COL14A1: variants seen among roughly 807,000 people sequenced by gnomAD.
COL14A1 encodes the protein collagen alpha-1(XIV) chain.
Under a neutral mutation model 230.3 loss-of-function variants are expected in COL14A1, and 136 were observed. That is an observed-to-expected ratio of 0.59 (90% confidence interval 0.51 to 0.68). The LOEUF (loss-of-function observed/expected upper bound fraction) is 0.68, where lower values mean the gene tolerates loss of function less well. Among genes scored for constraint, COL14A1 ranks in the 30% least tolerant of loss-of-function variants. The pLI, the probability that COL14A1 is intolerant of heterozygous loss-of-function variation, is 0.00. For synonymous variants in COL14A1, 792 were observed against 784.1 expected (o/e 1.01, Z -0.17); for missense variants, 1,976 against 2,215.8 (o/e 0.89, Z 2.17).
intron 45 of COL14A1, among the ~76,000 whole-genome samples, chr8:120,353,989 C>G (rs1394643061): frequency 1.5e-5 from 2 of 132,618 alleles, no homozygotes; most frequent in East Asian, 2.2e-4. Context: ...TTGGAACCAA[C>G]CCAAATGTCC....
intron 19 of COL14A1, among the ~76,000 whole-genome samples, chr8:120,236,505 T>C (rs1040351064): frequency 2.0e-5 from 3 of 152,174 alleles, no homozygotes; most frequent in Non-Finnish European, 2.9e-5. Context: ...TTTGAGTCTA[T>C]GTGTGTCTTT....
At chr8:120,224,091 A>G (rs1407100530) in intron 14 of COL14A1, among the ~76,000 whole-genome samples, 3 of 129,732 alleles carry the variant, frequency 2.3e-5, no homozygotes, top group Non-Finnish European at 4.6e-5. Context: ...CAGTGGCATG[A>G]TCTCAGCTCA....
chr8:120,228,111 C>T (rs1210993560), intron 17 of COL14A1, among the ~76,000 whole-genome samples: 1 of 152,098 alleles, frequency 6.6e-6, no homozygotes, highest in Non-Finnish European at 1.5e-5. Context: ...TCCCCAGTCG[C>T]TGGAGGTGAG....
intron 25 of COL14A1, 188 bp downstream of exon 25, chr8:120,267,071 C>A: frequency 1.8e-6 from 1 of 555,130 alleles, no homozygotes; most frequent in Non-Finnish European, 3.2e-6. Context: ...ATTCTGCACA[C>A]AAAGAGTGGA....
Position 120,228,753 on chromosome 8 carries a change from C to G in COL14A1, c.2181C>G (p.Thr727=), listed in dbSNP as rs1209883508. 3 of 1,613,658 alleles carry G rather than the reference C, an allele frequency of 1.9e-6. No homozygotes were observed. The Admixed American group carries it at 5.0e-5, about 27-fold the overall frequency. Residue 727 remains threonine, a synonymous_variant, in exon 18 of 48, where the codon ACC becomes ACG. Transcript: ENST00000297848. ...WTEPATTIVP[T]TSVTSVFQTG... ...AACCAGCTACAACCATAGTGCCTAC[C>G]ACATCTGTGACTTCAGGTAAGGTCA...
intron 44 of COL14A1, 127 bp from the exon 45 acceptor site, chr8:120,345,248 G>A: frequency 1.3e-6 from 1 of 764,830 alleles, no homozygotes; most frequent in Non-Finnish European, 2.1e-6. Flanking sequence ...ATATTTCAAA[G>A]GGGTGTGATT....
chr8:120,314,009 G>A lies in COL14A1; in HGVS notation c.4533G>A (p.Leu1511=). 6.2e-7 allele frequency: 1 copy of A among 1,610,882 alleles called. No individual in the cohort carries two copies. The highest frequency in any genetic ancestry group is 8.5e-7 in the Non-Finnish European group (1 of 1,178,570). Residue 1511 remains leucine (L), a synonymous_variant, in exon 38 of 48, where the codon CTG becomes CTA. Coordinates refer to ENST00000297848, the MANE Select transcript of COL14A1 (RefSeq NM_021110.4). ...CTGGACCTCAAGGACCAAGTGGTCT[G>A]TCCATTCAAGGAATGCCCGTGAGTT... ...GPPGPQGPSG[L]SIQGMPGMPG...
intron 25 of COL14A1, 48 bp from the exon 26 acceptor site, chr8:120,269,987 C>A (rs1358410399): frequency 6.2e-7 from 1 of 1,602,954 alleles, no homozygotes; most frequent in Non-Finnish European, 8.5e-7. Context: ...TTAATAACTA[C>A]TAACTTTTCC....
chr8:120,342,456 T>C lies in COL14A1; in HGVS notation c.4888+10T>C, dbSNP rs1352088967. ...GAACAGCTCATCCAGAGTAAGTATG[T>C]AATGGTTACGGAGGATGTTCCCCAT... On this transcript the variant is annotated intron_variant, in intron 44 of 47. Coordinates refer to ENST00000297848, the MANE Select transcript of COL14A1 (RefSeq NM_021110.4). 18 of 1,612,512 alleles carry C rather than the reference T, an allele frequency of 1.1e-5. No individual in the cohort carries two copies. The highest frequency in any genetic ancestry group is 1.4e-5 in the Non-Finnish European group (17 of 1,178,586).
intron 8 of COL14A1, among the ~76,000 whole-genome samples, chr8:120,200,718 TATATATATATATATATA>T (rs1817213870): frequency 1.7e-3 from 9 of 5,378 alleles, no homozygotes; most frequent in African/African-American, 9.1e-3. Flanking sequence ...TTCCTATTTA[TATATATATATATATATA>T]TATATATATA....
At chr8:120,158,281 G>A (rs1384234419) in intron 3 of COL14A1, 35 bp downstream of exon 3, 1 of 1,258,096 alleles carries the variant, frequency 7.9e-7, no homozygotes, top group Non-Finnish European at 1.2e-6. Context: ...TAGAGCATTA[G>A]CAACTTTTCA....
intron 46 of COL14A1, among the ~76,000 whole-genome samples, chr8:120,368,185 C>T (rs1352472117): frequency 1.3e-5 from 2 of 152,002 alleles, no homozygotes; most frequent in Non-Finnish European, 2.9e-5. Flanking sequence ...AGAATGGTCT[C>T]CAGATGATCA....
chr8:120,196,213 T>C (rs116536752), intron 5 of COL14A1, among the ~76,000 whole-genome samples: 1,895 of 152,358 alleles, frequency 0.012, 29 homozygotes, highest in African/African-American at 0.042. Flanking sequence ...CATTTGACTT[T>C]GGGGAAACTC....
chr8:120,229,255 T>TC (rs1319074971), intron 18 of COL14A1, among the ~76,000 whole-genome samples: 1 of 71,850 alleles, frequency 1.4e-5, no homozygotes, highest in African/African-American at 5.5e-5. Context: ...ATGCTATCCC[T>TC]CCCCCCTCCC....
intron 24 of COL14A1, among the ~76,000 whole-genome samples, chr8:120,263,560 G>A (rs1360541783): frequency 6.6e-6 from 1 of 152,166 alleles, no homozygotes; most frequent in East Asian, 1.9e-4. Flanking sequence ...AAAGAGCAAG[G>A]AGAGTGTCAA....
chr8:120,140,274 C>T (rs535733831), intron 1 of COL14A1, among the ~76,000 whole-genome samples: 1 of 152,074 alleles, frequency 6.6e-6, no homozygotes, highest in East Asian at 1.9e-4. Flanking sequence ...TGATTGCTGG[C>T]AATCTTGCTT....
chr8:120,280,841 T>C (rs1820012370), intron 30 of COL14A1, 80 bp from the exon 31 acceptor site: 2 of 1,485,054 alleles, frequency 1.3e-6, no homozygotes, highest in Non-Finnish European at 1.8e-6. Flanking sequence ...AAATCCTTAA[T>C]AGAAAAATAT....
In COL14A1 at chr8:120,203,570, T is replaced by G. The variant is rs1817326697; in HGVS notation, c.878-139T>G. 9.3e-6 allele frequency: 5 copies of G among 537,272 alleles called. No individual in the cohort carries two copies. In the East Asian group the frequency reaches 1.5e-4, roughly 16 times the overall value. 33.3% of individuals were successfully genotyped at this position (537,272 alleles called of 1,614,324 possible). A position where few individuals can be genotyped will look rare whatever the true frequency, so the allele number is the denominator to read the frequency against. Reference sequence around the variant, plus strand: ...TCGTGTGCGCATTTTAAATAAAATTTTAAATATATATATACAAGTAGCAGA... The same window carrying G: ...TCGTGTGCGCATTTTAAATAAAATTGTAAATATATATATACAAGTAGCAGA... On this transcript the variant is annotated intron_variant, in intron 8 of 47. Transcript: ENST00000297848.
intron 2 of COL14A1, among the ~76,000 whole-genome samples, chr8:120,148,144 C>CTTTTT (rs59311466): frequency 3.3e-5 from 4 of 122,978 alleles, no homozygotes; most frequent in Admixed American, 8.3e-5. Context: ...ATAGGTCATT[C>CTTTTT]TTTTTTTTTT....
Sources: gnomAD v4.1 joint callset for allele counts (sites outside exome capture counted in the v4.1 genomes callset) on GRCh38, gnomAD v4.1.1 for gene constraint, MANE v1.5 for transcripts, NCBI Gene and HGNC (gene_info 2026-07-23, HGNC 2026-07-21) for gene names.